INSR: variants seen among roughly 807,000 people sequenced by gnomAD.
The protein encoded by INSR is IR.
INSR carries 67 observed loss-of-function variants against 142.6 expected under a neutral mutation model. The observed-to-expected ratio is 0.47, with a 90% CI of 0.39 to 0.58. The LOEUF (loss-of-function observed/expected upper bound fraction) is 0.58, where lower values mean the gene tolerates loss of function less well. Ranked by LOEUF, INSR falls within the 20% of genes least tolerant of loss-of-function variation. The pLI is 0.00. For synonymous variants in INSR, 756 were observed against 743.1 expected, an observed-to-expected ratio of 1.02 and a Z score of -0.28; for missense variants, 1,248 against 1,833.2, an observed-to-expected ratio of 0.68 and a Z score of 5.83.
intron 2 of INSR, among the ~76,000 whole-genome samples, chr19:7,249,275 C>T (rs192063356): frequency 4.9e-4 from 75 of 152,186 alleles, no homozygotes; most frequent in Non-Finnish European, 7.9e-4. Context: ...TCTTCTTTAC[C>T]ACCAGGAATC....
intron 14 of INSR, among the ~76,000 whole-genome samples, chr19:7,129,612 A>T (rs1972729759): frequency 6.6e-6 from 1 of 152,242 alleles, no homozygotes; most frequent in African/African-American, 2.4e-5. Context: ...GGCGTGAGCC[A>T]ACGTGCCCGG....
intron 2 of INSR, among the ~76,000 whole-genome samples, chr19:7,258,871 C>T (rs1445677010): frequency 6.7e-6 from 1 of 148,742 alleles, no homozygotes; most frequent in Non-Finnish European, 1.5e-5. Context: ...CACATGTTGG[C>T]AGGGGCAAAT....
intron 2 of INSR, among the ~76,000 whole-genome samples, chr19:7,239,279 G>A (rs1201874874): frequency 6.7e-6 from 1 of 148,332 alleles, no homozygotes; most frequent in Non-Finnish European, 1.5e-5. Flanking sequence ...CAGAGTCCCT[G>A]AAGAAAAAGG....
intron 6 of INSR, among the ~76,000 whole-genome samples, chr19:7,170,311 G>T (rs1197773855): frequency 6.6e-6 from 1 of 151,776 alleles, no homozygotes; most frequent in African/African-American, 2.4e-5. Flanking sequence ...GGACCATCTA[G>T]TTGCAGGAAC....
rs1045906431 is a variant in INSR, at chr19:7,113,367, T to C, written c.*3689A>G. 1.3e-5 allele frequency: 2 copies of C among 152,188 alleles called. No homozygotes were observed. The highest frequency in any genetic ancestry group is 6.5e-5 in the Admixed American group (1 of 15,268). 9.4% of individuals were successfully genotyped at this position (152,188 alleles called of 1,614,324 possible). A position where few individuals can be genotyped will look rare whatever the true frequency, so the allele number is the denominator to read the frequency against. On this transcript the variant is annotated 3_prime_UTR_variant, in exon 22 of 22. Coordinates refer to ENST00000302850, the MANE Select transcript of INSR (RefSeq NM_000208.4). ...CCCTTGTGTCAGTTCCCACAGCTTC[T>C]CTCAATCATCCTCAGCCTATATCCA...
At chr19:7,133,114 T>A (rs1243240824) in intron 13 of INSR, among the ~76,000 whole-genome samples, 2 of 151,784 alleles carry the variant, frequency 1.3e-5, no homozygotes, top group African/African-American at 4.8e-5. Context: ...ATAGAACAAT[T>A]AGCCGGGCAC....
chr19:7,197,335 A>AGTGC (rs983388645), intron 2 of INSR, among the ~76,000 whole-genome samples: 2 of 152,050 alleles, frequency 1.3e-5, no homozygotes, highest in Non-Finnish European at 2.9e-5. Context: ...TGAGTGAGTG[A>AGTGC]GTAAGCGAGT....
chr19:7,213,380 G>A (rs973046684), intron 2 of INSR, among the ~76,000 whole-genome samples: 2 of 150,884 alleles, frequency 1.3e-5, no homozygotes, highest in African/African-American at 4.9e-5. Flanking sequence ...ACCCTACAGG[G>A]CACTGCAGGA....
At chr19:7,164,117 G>A (rs796719909) in intron 8 of INSR, among the ~76,000 whole-genome samples, 20 of 103,056 alleles carry the variant, frequency 1.9e-4, no homozygotes, top group South Asian at 3.7e-4. Context: ...AAAAAAAAAA[G>A]CTTGAATTTG....
At chr19:7,219,687 G>C (rs572685561) in intron 2 of INSR, among the ~76,000 whole-genome samples, 20 of 151,696 alleles carry the variant, frequency 1.3e-4, no homozygotes, top group East Asian at 7.7e-4. Context: ...GAAAGAAAAT[G>C]AAAAAAAAGA....
rs539037803 is a variant in INSR, at chr19:7,164,654, C to CAA, written c.1862-1457_1862-1456dup. Among the ~76,000 whole-genome samples, 107 of 76,028 alleles carry CAA rather than the reference C, an allele frequency of 1.4e-3. 2 individuals carry two copies. The highest frequency in any genetic ancestry group is 6.5e-3 in the South Asian group (17 of 2,614). The allele number at this position is 76,028 out of a possible 152,430, so 49.9% of individuals were successfully genotyped here. On this transcript the variant is annotated intron_variant, in intron 8 of 21. Coordinates refer to ENST00000302850, the MANE Select transcript of INSR (RefSeq NM_000208.4). ...CCAACATGGAGAAACCTTGTCTCTACAAAAAAAAAAAAAAAAAAAAAATTC... is the reference window on the plus strand; with the variant it reads ...CCAACATGGAGAAACCTTGTCTCTACAAAAAAAAAAAAAAAAAAAAAAAATTC...
Position 7,121,559 on chromosome 19 carries a change from T to C in INSR, c.3530-810A>G, listed in dbSNP as rs556067161. Among the ~76,000 whole-genome samples, 3 of 152,052 alleles carry C rather than the reference T, an allele frequency of 2.0e-5. No homozygotes were observed. In the East Asian group the frequency reaches 5.8e-4, roughly 30 times the overall value. ...ACAGCTCACTGCAGCCTCCACCTCC[T>C]GGGCTCAAGCAATCCTCCCACCCCA... On this transcript the variant is annotated intron_variant, in intron 19 of 21. Coordinates refer to ENST00000302850, the MANE Select transcript of INSR (RefSeq NM_000208.4).
intron 9 of INSR, among the ~76,000 whole-genome samples, chr19:7,158,359 G>A (rs934328673): frequency 1.3e-5 from 2 of 151,966 alleles, no homozygotes; most frequent in Non-Finnish European, 2.9e-5. Flanking sequence ...AAATTAGCCG[G>A]GCGTGGTGGC....
intron 11 of INSR, among the ~76,000 whole-genome samples, chr19:7,149,023 G>T (rs1205167449): frequency 6.6e-6 from 1 of 152,086 alleles, no homozygotes; most frequent in African/African-American, 2.4e-5. Context: ...TCGAACTCCT[G>T]GCCTCAAGTG....
chr19:7,168,648 AGTCTTGCTCT>A lies in INSR; in HGVS notation c.1484-564_1484-555del, dbSNP rs1218741267. ...CCTTGCACTACATTTTTTTTGAGACAGTCTTGCTCTGTCACCAAGGCTGGAGTGCAGTCCA... is the reference window on the plus strand; with the variant it reads ...CCTTGCACTACATTTTTTTTGAGACAGTCACCAAGGCTGGAGTGCAGTCCA... On this transcript the variant is annotated intron_variant, in intron 6 of 21. Coordinates refer to ENST00000302850, the MANE Select transcript of INSR (RefSeq NM_000208.4). This position sits in a 1 kb window ranked among gnomAD's most constrained non-coding sequence, Gnocchi z 4.3. Among the ~76,000 whole-genome samples, 2 of 152,100 alleles carry A rather than the reference AGTCTTGCTCT, an allele frequency of 1.3e-5. No individual in the cohort carries two copies. The highest frequency in any genetic ancestry group is 2.9e-5 in the Non-Finnish European group (2 of 68,008).
chr19:7,268,619 T>C, intron 1 of INSR: 2 of 985,042 alleles, frequency 2.0e-6, no homozygotes, highest in South Asian at 4.7e-5. Context: ...CCAAGACTCC[T>C]ATCCTCCTCT....
At chr19:7,234,611 A>G (rs6510968) in intron 2 of INSR, among the ~76,000 whole-genome samples, 152,173 of 152,270 alleles carry the variant, frequency 1, 76,038 homozygotes, top group Admixed American at 1. Context: ...GAATCATTGA[A>G]GATACCAAGG....
chr19:7,131,642 A>G (rs1404724858), intron 14 of INSR, among the ~76,000 whole-genome samples: 1 of 145,424 alleles, frequency 6.9e-6, no homozygotes, highest in Non-Finnish European at 1.5e-5. Flanking sequence ...CACCGTGCCC[A>G]GCCACAATTT....
intron 2 of INSR, among the ~76,000 whole-genome samples, chr19:7,195,344 T>C (rs889808310): frequency 6.6e-6 from 1 of 152,116 alleles, no homozygotes; most frequent in Admixed American, 6.6e-5. Context: ...CCTGTGCTCT[T>C]CAAAACTGCC....
Sources: gnomAD v4.1 joint callset for allele counts (sites outside exome capture counted in the v4.1 genomes callset) on GRCh38, gnomAD v4.1.1 for gene constraint, Gnocchi (gnomAD v3.1) non-coding constraint, MANE v1.5 for transcripts, NCBI Gene and HGNC (gene_info 2026-07-23, HGNC 2026-07-21) for gene names.